SLC24A2: variants seen among roughly 807,000 people sequenced by gnomAD.
SLC24A2 encodes the protein solute carrier family 24 member 2, also known as sodium/potassium/calcium exchanger 2.
In SLC24A2, 36 loss-of-function variants were observed where a neutral mutation model predicts 62.0. That is an observed-to-expected ratio of 0.58 (90% CI 0.44 to 0.77). The LOEUF (loss-of-function observed/expected upper bound fraction) is 0.77, where lower values mean the gene tolerates loss of function less well. Ranked by LOEUF, SLC24A2 falls within the 30% of genes least tolerant of loss-of-function variation. SLC24A2 has a pLI of 0.00. For synonymous variants in SLC24A2, 358 were observed against 294.0 expected (o/e 1.22, Z -2.23); for missense variants, 846 against 817.9 (o/e 1.03, Z -0.42).
the SLC24A2 span, among the ~76,000 whole-genome samples, chr9:20,120,283 T>C: frequency 1.3e-5 from 2 of 152,092 alleles, no homozygotes; most frequent in African/African-American, 4.8e-5. Context: ...CTATTCATAA[T>C]AGCAAAGACA....
the SLC24A2 span, among the ~76,000 whole-genome samples, chr9:20,286,502 T>G: frequency 6.6e-6 from 1 of 152,242 alleles, no homozygotes; most frequent in African/African-American, 2.4e-5. Context: ...ACAACTCAGT[T>G]TCTCTTTTAA....
the SLC24A2 span, among the ~76,000 whole-genome samples, chr9:19,868,966 T>C: frequency 6.6e-6 from 1 of 152,130 alleles, no homozygotes; most frequent in Non-Finnish European, 1.5e-5. Context: ...GCACAATTAA[T>C]GTAGTTATTT....
chr9:19,974,893 A>T, the SLC24A2 span, among the ~76,000 whole-genome samples: 1 of 152,214 alleles, frequency 6.6e-6, no homozygotes, highest in Non-Finnish European at 1.5e-5. Context: ...CAGTCCCGTC[A>T]GGGTTACAAG....
chr9:19,799,607 G>T, the SLC24A2 span, among the ~76,000 whole-genome samples: 1 of 152,172 alleles, frequency 6.6e-6, no homozygotes, highest in African/African-American at 2.4e-5. Flanking sequence ...TAGATCCTCT[G>T]CATGAGCCAG....
chr9:19,817,507 T>A, the SLC24A2 span, among the ~76,000 whole-genome samples: 1 of 151,740 alleles, frequency 6.6e-6, no homozygotes. Context: ...ACTTAACATT[T>A]TATGTATATT....
chr9:20,268,695 C>CTTAT, the SLC24A2 span, among the ~76,000 whole-genome samples: 1 of 152,274 alleles, frequency 6.6e-6, no homozygotes, highest in African/African-American at 2.4e-5. Flanking sequence ...CTGTTATAAG[C>CTTAT]AACAGAAAAC....
At chr9:20,072,195 G>A in the SLC24A2 span, among the ~76,000 whole-genome samples, 3 of 152,070 alleles carry the variant, frequency 2.0e-5, no homozygotes, top group East Asian at 5.8e-4. Flanking sequence ...AAATGTGATT[G>A]GACAAGAAGT....
intron 1 of SLC24A2, 64 bp from the exon 2 acceptor site, chr9:19,787,083 T>C (rs766258467): frequency 1.1e-6 from 1 of 882,690 alleles, no homozygotes; most frequent in Non-Finnish European, 1.4e-6. Context: ...ATAAAGATCT[T>C]TGCAGATATG....
chr9:19,870,328 A>G, the SLC24A2 span, among the ~76,000 whole-genome samples: 1 of 152,134 alleles, frequency 6.6e-6, no homozygotes, highest in African/African-American at 2.4e-5. Context: ...ATGCTCATCC[A>G]TGTTATAGCA....
the SLC24A2 span, among the ~76,000 whole-genome samples, chr9:20,263,496 A>G: frequency 6.6e-6 from 1 of 151,924 alleles, no homozygotes; most frequent in East Asian, 1.9e-4. Context: ...CAATCCTCCC[A>G]CCTCGGCCCC....
At chr9:20,221,673 A>G in the SLC24A2 span, among the ~76,000 whole-genome samples, 1 of 152,056 alleles carries the variant, frequency 6.6e-6, no homozygotes, top group South Asian at 2.1e-4. Flanking sequence ...GATACACTGT[A>G]ACAAACCGGC....
At chr9:20,077,545 C>G in the SLC24A2 span, among the ~76,000 whole-genome samples, 6,130 of 152,180 alleles carry the variant, frequency 0.04, 140 homozygotes, top group South Asian at 0.068. Context: ...AAGAGAAGAC[C>G]AGCTTTCAGA....
At chr9:20,023,971 T>G in the SLC24A2 span, among the ~76,000 whole-genome samples, 1 of 151,906 alleles carries the variant, frequency 6.6e-6, no homozygotes, top group South Asian at 2.1e-4. Flanking sequence ...TAAGAAAGAG[T>G]GAAAAGAAGA....
chr9:20,008,535 C>G, the SLC24A2 span, among the ~76,000 whole-genome samples: 1 of 152,268 alleles, frequency 6.6e-6, no homozygotes, highest in South Asian at 2.1e-4. Context: ...GCAACTCTCA[C>G]TACATAGCCA....
the SLC24A2 span, among the ~76,000 whole-genome samples, chr9:19,869,359 C>A: frequency 6.6e-6 from 1 of 152,092 alleles, no homozygotes; most frequent in Non-Finnish European, 1.5e-5. Flanking sequence ...GACAATAATT[C>A]ACCTCTTACT....
the SLC24A2 span, among the ~76,000 whole-genome samples, chr9:20,064,509 A>AG: frequency 6.6e-6 from 1 of 152,182 alleles, no homozygotes; most frequent in Non-Finnish European, 1.5e-5. Flanking sequence ...TAAATTTTTA[A>AG]GGGAAAAAAA....
intron 2 of SLC24A2, among the ~76,000 whole-genome samples, chr9:19,780,268 T>C (rs796099011): frequency 4.3e-4 from 50 of 117,362 alleles, no homozygotes; most frequent in African/African-American, 1.3e-3. Context: ...AATTGCTTTT[T>C]CTTTTTCTTT....
chr9:19,909,835 G>A, the SLC24A2 span, among the ~76,000 whole-genome samples: 58 of 152,096 alleles, frequency 3.8e-4, no homozygotes, highest in Middle Eastern at 3.4e-3. Flanking sequence ...GTATATTGGG[G>A]TGGCATGTTC....
the SLC24A2 span, among the ~76,000 whole-genome samples, chr9:19,893,879 T>C: frequency 6.6e-6 from 1 of 152,212 alleles, no homozygotes; most frequent in Non-Finnish European, 1.5e-5. Flanking sequence ...TTCTGTCTGA[T>C]GGTCCAAGAT....
Sources: gnomAD v4.1 joint callset for allele counts (sites outside exome capture counted in the v4.1 genomes callset) on GRCh38, gnomAD v4.1.1 for gene constraint, MANE v1.5 for transcripts, NCBI Gene and HGNC (gene_info 2026-07-23, HGNC 2026-07-21) for gene names.